The following HOATZ variants were observed in gnomAD, a reference collection of about 807,000 sequenced individuals.
HOATZ encodes the protein cilia- and flagella-associated protein HOATZ.
A neutral mutation model predicts 24.9 loss-of-function variants in HOATZ; 26 were observed. That is an observed-to-expected ratio of 1.04 (90% CI 0.76 to 1.45). The LOEUF is 1.45. Ranked by LOEUF, HOATZ falls within the 40% of genes most tolerant of loss-of-function variation. The pLI is 0.00. For synonymous variants in HOATZ, 83 were observed against 76.6 expected (o/e 1.08, Z -0.43); for missense variants, 226 against 201.5 (o/e 1.12, Z -0.74).
intron 5 of HOATZ, chr11:111,536,438 C>A: frequency 4.8e-6 from 1 of 208,208 alleles, no homozygotes; most frequent in Non-Finnish European, 9.8e-6. Flanking sequence ...TTATCCATCC[C>A]AGAATATTTG....
intron 3 of HOATZ, chr11:111,524,831 C>G: frequency 7.0e-6 from 3 of 428,888 alleles, no homozygotes; most frequent in Non-Finnish European, 9.1e-6. Context: ...CTTTGATGAA[C>G]AGCTTTTTAA....
chr11:111,528,764 T>C (rs933091398), intron 3 of HOATZ, among the ~76,000 whole-genome samples: 1 of 152,220 alleles, frequency 6.6e-6, no homozygotes, highest in African/African-American at 2.4e-5. Flanking sequence ...TGATGCTAAC[T>C]CATTTTTAGA....
intron 5 of HOATZ, chr11:111,536,472 A>G (rs1425488916): frequency 8.4e-6 from 2 of 239,162 alleles, no homozygotes; most frequent in Non-Finnish European, 1.6e-5. Context: ...GTCTGAATAA[A>G]TAAAATAATG....
intron 3 of HOATZ, 77 bp downstream of exon 3, chr11:111,516,187 T>A (rs1056732123): frequency 3.5e-6 from 3 of 856,660 alleles, no homozygotes; most frequent in Non-Finnish European, 5.5e-6. Context: ...CACATGTATA[T>A]TTAAAAATCT....
chr11:111,533,931 A>G, intron 4 of HOATZ, 126 bp downstream of exon 4: 1 of 598,810 alleles, frequency 1.7e-6, no homozygotes, highest in Non-Finnish European at 2.8e-6. Flanking sequence ...TTGATATACC[A>G]GAGTGGGGCA....
chr11:111,535,072 C>G (rs1349205278), intron 5 of HOATZ: 2 of 152,134 alleles, frequency 1.3e-5, no homozygotes, highest in Non-Finnish European at 2.9e-5. Flanking sequence ...GCCAACTCAA[C>G]ATTAATATGA....
chr11:111,529,062 A>G (rs1867368423), intron 3 of HOATZ, among the ~76,000 whole-genome samples: 1 of 152,214 alleles, frequency 6.6e-6, no homozygotes, highest in South Asian at 2.1e-4. Flanking sequence ...ATAAAATGAG[A>G]TAACCTATAA....
chr11:111,528,159 C>CA (rs61382111), intron 3 of HOATZ, among the ~76,000 whole-genome samples: 19,686 of 147,010 alleles, frequency 0.13, 3,446 homozygotes, highest in African/African-American at 0.4. Context: ...TCATCTCTAC[C>CA]AAAAAAAAAA....
intron 5 of HOATZ, 143 bp from the exon 6 acceptor site, chr11:111,536,627 A>C: frequency 1.5e-6 from 1 of 658,170 alleles, no homozygotes; most frequent in Non-Finnish European, 2.7e-6. Flanking sequence ...ATACAAGTTT[A>C]TACTTGGTTG....
chr11:111,524,029 G>A (rs1246212456), intron 3 of HOATZ, among the ~76,000 whole-genome samples: 2 of 152,164 alleles, frequency 1.3e-5, no homozygotes, highest in African/African-American at 4.8e-5. Context: ...TAATCACAGA[G>A]CCTTACAAAT....
At chr11:111,527,595 C>G (rs1298106687) in intron 3 of HOATZ, among the ~76,000 whole-genome samples, 2 of 152,178 alleles carry the variant, frequency 1.3e-5, no homozygotes, top group Non-Finnish European at 2.9e-5. Context: ...AAAGCCTTCT[C>G]ACTGATTATT....
chr11:111,515,612 C>A, intron 2 of HOATZ, 60 bp downstream of exon 2: 6 of 1,355,892 alleles, frequency 4.4e-6, no homozygotes, highest in Non-Finnish European at 6.3e-6. Context: ...AGAAAATAGA[C>A]AATAAGTACA....
intron 3 of HOATZ, among the ~76,000 whole-genome samples, chr11:111,521,568 T>G (rs1306613445): frequency 6.6e-6 from 1 of 152,188 alleles, no homozygotes; most frequent in East Asian, 1.9e-4. Context: ...ATGAAATTCC[T>G]TTCCTCCATA....
intron 3 of HOATZ, among the ~76,000 whole-genome samples, chr11:111,531,476 C>T (rs983000560): frequency 5.9e-5 from 9 of 152,276 alleles, no homozygotes; most frequent in African/African-American, 2.2e-4. Context: ...GCTATGTAAT[C>T]ACAGTATGAG....
chr11:111,518,526 G>A (rs1867233465), intron 3 of HOATZ, among the ~76,000 whole-genome samples: 1 of 152,022 alleles, frequency 6.6e-6, no homozygotes. Context: ...TCACCATTTG[G>A]CCAAACAAGG....
chr11:111,515,679 T>C (rs1374095446), intron 2 of HOATZ, 127 bp downstream of exon 2: 4 of 768,938 alleles, frequency 5.2e-6, no homozygotes, highest in Non-Finnish European at 8.8e-6. Flanking sequence ...AAGTCCCTGC[T>C]CAGGGACCAC....
Position 111,536,978 on chromosome 11 carries a change from TAGTG to T in HOATZ, c.*155_*158del. ...GCAGACTTCCAGGAATTTTACCAGT[TAGTG>T]AGTACTTGTGTTAAAATAAAGAAAT... is the stretch of plus-strand genomic sequence containing the variant. On this transcript the variant is annotated 3_prime_UTR_variant, in exon 6 of 6. Coordinates refer to ENST00000375618, the MANE Select transcript of HOATZ (RefSeq NM_001100388.2). 2 of 622,842 alleles carry T rather than the reference TAGTG, an allele frequency of 3.2e-6. No individual in the cohort carries two copies. The highest frequency in any genetic ancestry group is 5.7e-6 in the Non-Finnish European group (2 of 348,386). 38.6% of individuals were successfully genotyped at this position (622,842 alleles called of 1,614,324 possible).
intron 3 of HOATZ, chr11:111,526,552 C>G (rs1301596083): frequency 6.6e-6 from 1 of 151,032 alleles, no homozygotes; most frequent in African/African-American, 2.4e-5. Context: ...GCTTGCCTAA[C>G]AGGATGGGTA....
chr11:111,527,477 C>T (rs765640795), intron 3 of HOATZ, among the ~76,000 whole-genome samples: 1 of 152,158 alleles, frequency 6.6e-6, no homozygotes, highest in Non-Finnish European at 1.5e-5. Context: ...CTTTTTCCTG[C>T]AAGTCAGCAT....
Sources: gnomAD v4.1 joint callset for allele counts (sites outside exome capture counted in the v4.1 genomes callset) on GRCh38, gnomAD v4.1.1 for gene constraint, MANE v1.5 for transcripts, NCBI Gene and HGNC (gene_info 2026-07-23, HGNC 2026-07-21) for gene names.